Variants in PDGFC observed in about 807,000 individuals in gnomAD.
The protein encoded by PDGFC is platelet-derived growth factor C.
A neutral mutation model predicts 35.5 loss-of-function variants in PDGFC; 12 were observed. That is an observed-to-expected ratio of 0.34 (90% CI 0.22 to 0.55). The LOEUF (loss-of-function observed/expected upper bound fraction) is 0.55, where lower values mean the gene tolerates loss of function less well. PDGFC is among the 20% of genes least tolerant of loss of function. PDGFC has a pLI of 0.91. For synonymous variants in PDGFC, 159 were observed against 148.8 expected, an observed-to-expected ratio of 1.07 and a Z score of -0.50; for missense variants, 322 against 412.4, an observed-to-expected ratio of 0.78 and a Z score of 1.90.
At chr4:156,874,978 A>G (rs1387071973) in intron 1 of PDGFC, among the ~76,000 whole-genome samples, 1 of 152,262 alleles carries the variant, frequency 6.6e-6, no homozygotes, top group East Asian at 1.9e-4. Context: ...CTGGCCTCCC[A>G]AAGTGCTGGG....
Position 156,836,290 on chromosome 4 carries a change from C to T in PDGFC, c.314+13931G>A, listed in dbSNP as rs1011109269. On this transcript the variant is annotated intron_variant, in intron 2 of 5. Coordinates refer to ENST00000502773, the MANE Select transcript of PDGFC (RefSeq NM_016205.3). Reference sequence around the variant, plus strand: ...GACCAACATTCAAGTTTCAGTGAATCGGTAGGCAACTCACAACTATGTAAA... The same window carrying T: ...GACCAACATTCAAGTTTCAGTGAATTGGTAGGCAACTCACAACTATGTAAA... Among the ~76,000 whole-genome samples, 10 of 152,244 alleles carry T rather than the reference C, an allele frequency of 6.6e-5. No homozygotes were observed. In the East Asian group the frequency reaches 1.5e-3, roughly 24 times the overall value.
chr4:156,920,226 C>T (rs1731241154), intron 1 of PDGFC, among the ~76,000 whole-genome samples: 1 of 152,222 alleles, frequency 6.6e-6, no homozygotes, highest in Non-Finnish European at 1.5e-5. Flanking sequence ...TCCTTTATAG[C>T]AACACAAAAC....
chr4:156,909,883 G>A (rs1054636020), intron 1 of PDGFC, among the ~76,000 whole-genome samples: 2 of 152,172 alleles, frequency 1.3e-5, no homozygotes, highest in African/African-American at 2.4e-5. Flanking sequence ...CCTAAATCCA[G>A]TATCTGGTGC....
At chr4:156,793,838 A>C (rs76541553) in intron 3 of PDGFC, among the ~76,000 whole-genome samples, 1 of 151,184 alleles carries the variant, frequency 6.6e-6, no homozygotes, top group Non-Finnish European at 1.5e-5. Flanking sequence ...AAAAAAAAAA[A>C]CTGCCCAGGT....
chr4:156,778,157 C>G, intron 3 of PDGFC: 1 of 317,950 alleles, frequency 3.1e-6, no homozygotes, highest in Non-Finnish European at 6.6e-6. Context: ...AAAGTAAAAA[C>G]CTGTGAGGTG....
chr4:156,971,399 CT>C lies in PDGFC; in HGVS notation c.-497del, dbSNP rs1265601917. The stretch of plus-strand genomic sequence containing the variant: ...AATAGATGCGGCTCTCCGGGCGCCC[CT>C]CTCCCCCGCCCCACCCCCCACCCCC... On this transcript the variant is annotated 5_prime_UTR_variant, in exon 1 of 6. Transcript: ENST00000502773. 1.5e-5 allele frequency: 6 copies of C among 393,814 alleles called. No individual in the cohort carries two copies. Among genetic ancestry groups the C allele is most frequent in the Non-Finnish European group, 2.7e-5 (6 of 223,392 alleles). The allele number at this position is 393,814 out of a possible 1,614,324, so 24.4% of individuals were successfully genotyped here.
In PDGFC at chr4:156,901,595, CATTATT is replaced by C. The variant is rs111503240; in HGVS notation, c.119-51185_119-51180del. Among the ~76,000 whole-genome samples the C allele has an allele frequency of 5.8e-3, 876 of 150,440 alleles. 11 individuals carry two copies. The highest frequency in any genetic ancestry group is 0.019 in the African/African-American group (771 of 40,924). ...CAGGGCAATGGCCGGGTATCTATTTCATTATTATTATTATTATTATTATTATTTTAC... is the reference window on the plus strand; with the variant it reads ...CAGGGCAATGGCCGGGTATCTATTTCATTATTATTATTATTATTATTTTAC... On this transcript the variant is annotated intron_variant, in intron 1 of 5. Transcript: ENST00000502773.
intron 1 of PDGFC, among the ~76,000 whole-genome samples, chr4:156,930,946 C>T: frequency 6.6e-6 from 1 of 152,134 alleles, no homozygotes; most frequent in Non-Finnish European, 1.5e-5. Flanking sequence ...TTCAGCCTCA[C>T]CTGCTTTCCC....
rs572279415 is a variant in PDGFC at position 156,778,339 on chromosome 4, A to T, written c.496-5446T>A. On this transcript the variant is annotated intron_variant, in intron 3 of 5. Coordinates refer to ENST00000502773, the MANE Select transcript of PDGFC (RefSeq NM_016205.3). ...TGAATGTGGACCAGAAAAAAAGTGAACTTAGTATGTAAGAATTACTGAAAA... is the reference window on the plus strand; with the variant it reads ...TGAATGTGGACCAGAAAAAAAGTGATCTTAGTATGTAAGAATTACTGAAAA... 120 of 204,904 alleles carry T rather than the reference A, an allele frequency of 5.9e-4. 1 individual carries two copies. Among genetic ancestry groups the T allele is most frequent in the Middle Eastern group, 5.0e-3 (3 of 598 alleles). The allele number at this position is 204,904 out of a possible 1,614,324, so 12.7% of individuals were successfully genotyped here.
chr4:156,897,345 A>AGTGTGTGT (rs1444359699), intron 1 of PDGFC, among the ~76,000 whole-genome samples: 21 of 86,490 alleles, frequency 2.4e-4, no homozygotes, highest in East Asian at 3.8e-4. Flanking sequence ...AGTGTGTGAG[A>AGTGTGTGT]GTGTATGTGT....
At chr4:156,950,991 T>C (rs1732067058) in intron 1 of PDGFC, among the ~76,000 whole-genome samples, 2 of 151,986 alleles carry the variant, frequency 1.3e-5, no homozygotes, top group Admixed American at 1.3e-4. Flanking sequence ...GTTTATAACC[T>C]AAACAAGGAG....
chr4:156,791,707 T>C (rs1731304011), intron 3 of PDGFC, among the ~76,000 whole-genome samples: 1 of 152,174 alleles, frequency 6.6e-6, no homozygotes, highest in Admixed American at 6.6e-5. Context: ...GTTTCCTACA[T>C]GTTAACTATT....
intron 2 of PDGFC, among the ~76,000 whole-genome samples, chr4:156,821,480 A>T (rs558481259): frequency 1.3e-5 from 2 of 151,802 alleles, no homozygotes; most frequent in African/African-American, 4.8e-5. Flanking sequence ...GGCTCAAGTG[A>T]TACTCCCACC....
chr4:156,863,738 A>T (rs529288511), intron 1 of PDGFC, among the ~76,000 whole-genome samples: 1 of 152,204 alleles, frequency 6.6e-6, no homozygotes, highest in East Asian at 1.9e-4. Flanking sequence ...CCGTTCCCGA[A>T]TTTGATACTC....
At chr4:156,838,633 G>C (rs998060925) in intron 2 of PDGFC, among the ~76,000 whole-genome samples, 2 of 152,172 alleles carry the variant, frequency 1.3e-5, no homozygotes, top group African/African-American at 4.8e-5. Flanking sequence ...AAAGAGATTT[G>C]ATGGCATCAT....
chr4:156,796,326 C>A (rs1040468338), intron 3 of PDGFC, among the ~76,000 whole-genome samples: 4 of 151,546 alleles, frequency 2.6e-5, no homozygotes, highest in Admixed American at 2.0e-4. Flanking sequence ...TTATTTAGTA[C>A]CCCCATAGTG....
intron 3 of PDGFC, among the ~76,000 whole-genome samples, chr4:156,781,506 T>C (rs1007546522): frequency 3.3e-5 from 5 of 152,196 alleles, no homozygotes; most frequent in African/African-American, 1.2e-4. Context: ...CTATAGATTA[T>C]TCACAGTGGA....
chr4:156,929,385 G>T lies in PDGFC; in HGVS notation c.118+41401C>A, dbSNP rs1731494587. 3.4e-5 allele frequency among the ~76,000 whole-genome samples: 5 copies of T among 145,686 alleles called. No homozygotes were observed. In the South Asian group the frequency reaches 1.1e-3, roughly 32 times the overall value. ...TGAGATATTAGTTGGGAAGAAAAGA[G>T]AAAGGAAATAAAAGGGAGAAAAGTG... On this transcript the variant is annotated intron_variant, in intron 1 of 5. Transcript: ENST00000502773.
chr4:156,771,577 C>T (rs938277707), intron 4 of PDGFC, among the ~76,000 whole-genome samples: 1 of 152,128 alleles, frequency 6.6e-6, no homozygotes, highest in African/African-American at 2.4e-5. Context: ...CAAAAGGAAA[C>T]CACGTCTGTT....
Sources: gnomAD v4.1 joint callset for allele counts (sites outside exome capture counted in the v4.1 genomes callset) on GRCh38, gnomAD v4.1.1 for gene constraint, MANE v1.5 for transcripts, NCBI Gene and HGNC (gene_info 2026-07-23, HGNC 2026-07-21) for gene names.